Variants in HERPUD2 observed in about 807,000 individuals in gnomAD.
HERPUD2 encodes the protein homocysteine-responsive endoplasmic reticulum-resident ubiquitin-like domain member 2 protein.
In HERPUD2, 13 loss-of-function variants were observed where a neutral mutation model predicts 49.9. The observed-to-expected ratio is 0.26, with a 90% CI of 0.17 to 0.41. HERPUD2 has a LOEUF of 0.41. HERPUD2 is among the 10% of genes least tolerant of loss of function. The pLI, the probability that HERPUD2 is intolerant of heterozygous loss-of-function variation, is 1.00. For missense variants in HERPUD2, 449 were observed against 492.2 expected (o/e 0.91, Z 0.83); for synonymous variants, 172 against 171.4 (o/e 1.00, Z -0.03).
chr7:35,667,162 C>G (rs1342917411), intron 5 of HERPUD2, among the ~76,000 whole-genome samples: 1 of 152,110 alleles, frequency 6.6e-6, no homozygotes, highest in East Asian at 1.9e-4. Context: ...CCCATCATAC[C>G]TATTGAATAC....
Position 35,694,282 on chromosome 7 carries a change from G to A in HERPUD2, c.49C>T (p.Pro17Ser). The A allele has an allele frequency of 6.2e-7, 1 of 1,614,158 alleles. No homozygotes were observed. Among genetic ancestry groups the A allele is most frequent in the Non-Finnish European group, 8.5e-7 (1 of 1,180,006 alleles). Reference sequence around the variant, plus strand: ...GTCTGGTCACTGTATTTCTGATTCGGTGCTTTAATGATGAGGGTCACAGGA... The same window carrying A: ...GTCTGGTCACTGTATTTCTGATTCGATGCTTTAATGATGAGGGTCACAGGA... ...EIPVTLIIKA[P>S]NQKYSDQTIS... The change falls in exon 2 of 9, where the codon CCG (proline) becomes TCG (serine). Residue 17 changes from proline (P) to serine (S), a missense_variant. Transcript: ENST00000311350.
chr7:35,670,421 TCC>T, intron 3 of HERPUD2, 93 bp from the exon 4 acceptor site: 8 of 470,396 alleles, frequency 1.7e-5, no homozygotes, highest in Non-Finnish European at 2.6e-5. Flanking sequence ...AAAACTTAGG[TCC>T]CTTTCGAGCC....
chr7:35,641,894 C>T (rs950592039), intron 5 of HERPUD2, among the ~76,000 whole-genome samples: 35 of 152,102 alleles, frequency 2.3e-4, no homozygotes, highest in African/African-American at 8.5e-4. Flanking sequence ...CCATTCTGGA[C>T]ACAGGAATGG....
rs138118903 is a variant in HERPUD2 at position 35,681,449 on chromosome 7, T to C, written c.148-8171A>G. 4.9e-3 allele frequency among the ~76,000 whole-genome samples: 751 copies of C among 152,272 alleles called. 7 individuals are homozygous for C. The highest frequency in any genetic ancestry group is 0.017 in the African/African-American group (704 of 41,542). ...CATACAGTTACCCTATGACACAATA[T>C]ATACCCAGTTCCATTGCTAGGTACA... On this transcript the variant is annotated intron_variant, in intron 2 of 8. Coordinates refer to ENST00000311350, the MANE Select transcript of HERPUD2 (RefSeq NM_022373.5).
chr7:35,641,168 G>A (rs1431629741), intron 5 of HERPUD2, among the ~76,000 whole-genome samples: 1 of 152,134 alleles, frequency 6.6e-6, no homozygotes, highest in Non-Finnish European at 1.5e-5. Context: ...AGCAAAGATA[G>A]CTTTTTTAAG....
intron 5 of HERPUD2, among the ~76,000 whole-genome samples, chr7:35,666,554 C>T (rs1785540002): frequency 6.6e-6 from 1 of 152,312 alleles, no homozygotes; most frequent in African/African-American, 2.4e-5. Context: ...CACTGCAGCC[C>T]CATGGCTTGA....
intron 5 of HERPUD2, among the ~76,000 whole-genome samples, chr7:35,661,602 T>G (rs1345727793): frequency 6.6e-6 from 1 of 152,204 alleles, no homozygotes; most frequent in Non-Finnish European, 1.5e-5. Flanking sequence ...CCCTTGTAAT[T>G]TGGATTCCTA....
At chr7:35,676,558 C>G (rs1785765531) in intron 2 of HERPUD2, among the ~76,000 whole-genome samples, 1 of 152,146 alleles carries the variant, frequency 6.6e-6, no homozygotes, top group African/African-American at 2.4e-5. Flanking sequence ...CTCCAGGATC[C>G]ATGATTCATT....
intron 2 of HERPUD2, among the ~76,000 whole-genome samples, chr7:35,680,110 T>C (rs1439894301): frequency 6.6e-6 from 1 of 152,216 alleles, no homozygotes; most frequent in Non-Finnish European, 1.5e-5. Flanking sequence ...CAGTGATCTT[T>C]TAAAAACTTA....
intron 2 of HERPUD2, among the ~76,000 whole-genome samples, chr7:35,692,053 AG>A (rs1185512743): frequency 1.3e-5 from 2 of 152,238 alleles, no homozygotes; most frequent in Non-Finnish European, 2.9e-5. Context: ...GGAGAAAAAA[AG>A]GTTTGCCATG....
intron 8 of HERPUD2, among the ~76,000 whole-genome samples, 160 bp from the exon 9 acceptor site, chr7:35,634,011 C>A (rs571673826): frequency 6.6e-6 from 1 of 152,278 alleles, no homozygotes; most frequent in South Asian, 2.1e-4. Flanking sequence ...CCTCACTGTT[C>A]CGTAAAGGGG....
intron 6 of HERPUD2, among the ~76,000 whole-genome samples, chr7:35,635,751 T>C (rs374825892): frequency 1.3e-5 from 2 of 152,288 alleles, no homozygotes; most frequent in African/African-American, 4.8e-5. Context: ...TTTCAATAAA[T>C]TACCTTAACA....
chr7:35,682,922 C>T (rs1333752979), intron 2 of HERPUD2, among the ~76,000 whole-genome samples: 1 of 151,322 alleles, frequency 6.6e-6, no homozygotes, highest in Non-Finnish European at 1.5e-5. Flanking sequence ...AAATCATAGA[C>T]AACACAAACA....
chr7:35,651,242 T>C (rs1353852472), intron 5 of HERPUD2, among the ~76,000 whole-genome samples: 1 of 152,164 alleles, frequency 6.6e-6, no homozygotes, highest in Non-Finnish European at 1.5e-5. Context: ...CTGTCACTGA[T>C]GGCATCCAAA....
At chr7:35,651,151 T>C (rs1263326203) in intron 5 of HERPUD2, among the ~76,000 whole-genome samples, 2 of 152,140 alleles carry the variant, frequency 1.3e-5, no homozygotes, top group Non-Finnish European at 2.9e-5. Flanking sequence ...CAGAGGTTTG[T>C]CCCACCAATA....
rs1168406779 is a variant in HERPUD2, at chr7:35,634,809, T to C, written c.941+326A>G. 2.6e-5 allele frequency among the ~76,000 whole-genome samples: 4 copies of C among 152,344 alleles called. No homozygotes were observed. In the East Asian group the frequency reaches 7.7e-4, roughly 29 times the overall value. On this transcript the variant is annotated intron_variant, in intron 7 of 8. Coordinates refer to ENST00000311350, the MANE Select transcript of HERPUD2 (RefSeq NM_022373.5). ...TCTGGCTTATACCTATAGAACTTAC[T>C]ATTGGTAATTCTAATGAAAGAGGAT...
chr7:35,693,991 T>C (rs10248708), intron 2 of HERPUD2, among the ~76,000 whole-genome samples, 193 bp downstream of exon 2: 25,688 of 152,086 alleles, frequency 0.17, 2,684 homozygotes, highest in Non-Finnish European at 0.23. Flanking sequence ...ACTAATTAAC[T>C]GAACCTCATC....
chr7:35,645,278 T>C (rs1289774072), intron 5 of HERPUD2, among the ~76,000 whole-genome samples: 3 of 152,146 alleles, frequency 2.0e-5, no homozygotes, highest in Non-Finnish European at 4.4e-5. Flanking sequence ...ATCTGTATAA[T>C]AGAATGCTGT....
intron 2 of HERPUD2, among the ~76,000 whole-genome samples, chr7:35,690,995 C>T (rs2116058114): frequency 6.6e-6 from 1 of 152,320 alleles, no homozygotes; most frequent in East Asian, 1.9e-4. Context: ...ATGCAACACA[C>T]AGAACATCCC....
Sources: allele counts gnomAD v4.1 joint callset (sites outside exome capture counted in the v4.1 genomes callset), GRCh38; gene constraint gnomAD v4.1.1; transcripts MANE v1.5; gene names NCBI Gene and HGNC (gene_info 2026-07-23, HGNC 2026-07-21).